OSBPL1A: variants seen among roughly 807,000 people sequenced by gnomAD.
The protein encoded by OSBPL1A is oxysterol binding protein like 1A.
Under a neutral mutation model 137.1 loss-of-function variants are expected in OSBPL1A, and 80 were observed. The observed-to-expected ratio is 0.58, with a 90% CI of 0.49 to 0.70. OSBPL1A has a LOEUF of 0.70. OSBPL1A is among the 30% of genes least tolerant of loss of function. The pLI, the probability that OSBPL1A is intolerant of heterozygous loss-of-function variation, is 0.00. For synonymous variants in OSBPL1A, 365 were observed against 389.7 expected (o/e 0.94, Z 0.75); for missense variants, 970 against 1,129.4 (o/e 0.86, Z 2.02).
intron 4 of OSBPL1A, among the ~76,000 whole-genome samples, chr18:24,366,232 C>T (rs1408176126): frequency 1.3e-5 from 2 of 152,174 alleles, no homozygotes; most frequent in African/African-American, 4.8e-5. Flanking sequence ...CACCCATGCC[C>T]TCCCTGGGTG....
chr18:24,366,196 G>A (rs1162453398), intron 4 of OSBPL1A, among the ~76,000 whole-genome samples: 1 of 152,136 alleles, frequency 6.6e-6, no homozygotes, highest in Non-Finnish European at 1.5e-5. Context: ...GATACATAGG[G>A]CAAGGCATGG....
At position 24,165,004 on chromosome 18, in the gene OSBPL1A, C is replaced by T. The variant is rs1056972205; in HGVS notation, c.2750+61G>A. On this transcript the variant is annotated intron_variant, in intron 27 of 27. Transcript: ENST00000319481. Reference sequence around the variant, plus strand: ...GGGTCACAGTGTCTGGCATCCCTGCCTCGTCTGCACACAGCAGCCTGCCTG... The same window carrying T: ...GGGTCACAGTGTCTGGCATCCCTGCTTCGTCTGCACACAGCAGCCTGCCTG... 1.9e-6 allele frequency: 3 copies of T among 1,545,564 alleles called. 1 individual carries two copies. The highest frequency in any genetic ancestry group is 2.3e-5 in the South Asian group (2 of 88,316).
At chr18:24,337,486 G>A (rs551391109) in intron 5 of OSBPL1A, among the ~76,000 whole-genome samples, 7 of 149,598 alleles carry the variant, frequency 4.7e-5, no homozygotes, top group East Asian at 2.0e-4. Context: ...CAGAAGAGTC[G>A]CTTGAGCCCA....
chr18:24,222,753 C>T (rs535393195), intron 17 of OSBPL1A, among the ~76,000 whole-genome samples: 2 of 152,238 alleles, frequency 1.3e-5, no homozygotes, highest in South Asian at 2.1e-4. Context: ...GGATTTAATA[C>T]TTTCTATGTG....
At position 24,172,482 on chromosome 18, in the gene OSBPL1A, G is replaced by A; in HGVS notation, c.2095C>T (p.His699Tyr). 2 of 1,610,446 alleles carry A rather than the reference G, an allele frequency of 1.2e-6. No individual in the cohort carries two copies. The highest frequency in any genetic ancestry group is 1.7e-6 in the Non-Finnish European group (2 of 1,177,468). The change falls in exon 22 of 28, where the codon CAC becomes TAC. Residue 699 changes from histidine to tyrosine, a missense_variant and splice_region_variant. Physicochemically the swap from His to Tyr is moderately conservative, Grantham distance 83. This residue lies in a region of OSBPL1A where 323 missense variants were observed against 456.8 expected (regional missense o/e 0.71). Transcript: ENST00000319481. ...TTTGTCCATGTATATGCCTCATTGT[G>A]TCTAAAAAACAAAACCAAACCCAGA... is the stretch of plus-strand genomic sequence containing the variant. ...KGTITLELLE[H>Y]NEAYTWTNPT...
intron 24 of OSBPL1A, among the ~76,000 whole-genome samples, 176 bp from the exon 25 acceptor site, chr18:24,167,621 T>A (rs1415375776): frequency 4.6e-5 from 7 of 152,188 alleles, no homozygotes; most frequent in African/African-American, 1.4e-4. Flanking sequence ...GCACTGTGGA[T>A]CAAGTAAGGG....
chr18:24,165,984 T>C (rs1339563161), intron 26 of OSBPL1A, among the ~76,000 whole-genome samples: 2 of 152,040 alleles, frequency 1.3e-5, no homozygotes, highest in African/African-American at 4.8e-5. Flanking sequence ...GTAGTCCCAG[T>C]TACTCAGGAG....
At chr18:24,392,136 G>A (rs541092650) in intron 1 of OSBPL1A, among the ~76,000 whole-genome samples, 6 of 152,190 alleles carry the variant, frequency 3.9e-5, no homozygotes, top group South Asian at 4.1e-4. Flanking sequence ...GATTACAGGC[G>A]TGAGCCACTG....
At chr18:24,325,843 A>C (rs939419696) in intron 7 of OSBPL1A, among the ~76,000 whole-genome samples, 1 of 152,272 alleles carries the variant, frequency 6.6e-6, no homozygotes, top group Admixed American at 6.5e-5. Flanking sequence ...TAAGCTAAGA[A>C]GTCTTAGAAG....
chr18:24,278,644 T>G (rs945463068), intron 15 of OSBPL1A, among the ~76,000 whole-genome samples: 1 of 152,184 alleles, frequency 6.6e-6, no homozygotes, highest in African/African-American at 2.4e-5. Context: ...CATAACACGT[T>G]ACTTCCAATC....
intron 17 of OSBPL1A, among the ~76,000 whole-genome samples, chr18:24,201,314 T>A (rs967116531): frequency 2.0e-5 from 3 of 152,226 alleles, no homozygotes; most frequent in African/African-American, 7.2e-5. Context: ...ATTTCCCTGC[T>A]ACACAGCATT....
intron 21 of OSBPL1A, among the ~76,000 whole-genome samples, chr18:24,174,749 A>AT (rs1200742563): frequency 6.6e-6 from 1 of 152,108 alleles, no homozygotes; most frequent in Non-Finnish European, 1.5e-5. Context: ...CTAATAACTG[A>AT]TGCTGTTGAA....
At chr18:24,387,387 C>A (rs147881490) in intron 1 of OSBPL1A, among the ~76,000 whole-genome samples, 1 of 152,002 alleles carries the variant, frequency 6.6e-6, no homozygotes, top group Non-Finnish European at 1.5e-5. Context: ...AATACTTTCC[C>A]GGTGGCTCTA....
chr18:24,232,308 GA>G (rs2088307774), intron 16 of OSBPL1A, among the ~76,000 whole-genome samples: 1 of 152,158 alleles, frequency 6.6e-6, no homozygotes. Context: ...ATTTACTAAG[GA>G]AGTGACAAAA....
intron 17 of OSBPL1A, among the ~76,000 whole-genome samples, chr18:24,210,535 C>CTTT (rs11355890): frequency 7.0e-6 from 1 of 143,130 alleles, no homozygotes; most frequent in African/African-American, 2.6e-5. Context: ...TTTTCTTTTT[C>CTTT]TTTTTTTTTT....
intron 12 of OSBPL1A, among the ~76,000 whole-genome samples, chr18:24,312,812 A>G (rs1191539720): frequency 3.9e-5 from 6 of 152,192 alleles, no homozygotes; most frequent in Non-Finnish European, 5.9e-5. Context: ...AAAAATCAAG[A>G]TATGTCTATG....
intron 17 of OSBPL1A, among the ~76,000 whole-genome samples, chr18:24,200,562 A>C (rs1370132570): frequency 9.1e-6 from 1 of 109,386 alleles, no homozygotes; most frequent in Non-Finnish European, 1.9e-5. Context: ...ACTCCGTGTC[A>C]AAAAAAAAAA....
At chr18:24,197,360 T>C (rs1012489248) in intron 17 of OSBPL1A, among the ~76,000 whole-genome samples, 5 of 152,052 alleles carry the variant, frequency 3.3e-5, no homozygotes, top group South Asian at 2.1e-4. Flanking sequence ...AACTAAAAAA[T>C]AATAAAATAA....
chr18:24,368,950 C>T (rs529063034), intron 2 of OSBPL1A, among the ~76,000 whole-genome samples: 1 of 152,240 alleles, frequency 6.6e-6, no homozygotes, highest in South Asian at 2.1e-4. Context: ...TTCCCTCTTG[C>T]TATTCTCGTG....
Sources: gnomAD v4.1 joint callset for allele counts (sites outside exome capture counted in the v4.1 genomes callset) on GRCh38, gnomAD v4.1.1 for gene constraint, gnomAD v4.1.1 regional missense constraint, MANE v1.5 for transcripts, NCBI Gene and HGNC (gene_info 2026-07-23, HGNC 2026-07-21) for gene names.